MYBPC1: variants seen among roughly 807,000 people sequenced by gnomAD.
MYBPC1 encodes myosin binding protein C1.
A neutral mutation model predicts 147.1 loss-of-function variants in MYBPC1; 52 were observed. The ratio of observed to expected loss-of-function variants is 0.35; its 90% CI spans 0.28 to 0.45. The LOEUF (loss-of-function observed/expected upper bound fraction) is 0.45, where lower values mean the gene tolerates loss of function less well. Ranked by LOEUF, MYBPC1 falls within the 20% of genes least tolerant of loss-of-function variation. MYBPC1 has a pLI of 1.00. For synonymous variants in MYBPC1, 477 were observed against 475.9 expected (o/e 1.00, Z -0.03); for missense variants, 1,228 against 1,440.3 (o/e 0.85, Z 2.39).
intron 10 of MYBPC1, among the ~76,000 whole-genome samples, chr12:101,641,115 GAAA>G (rs34380289): frequency 9.4e-6 from 1 of 105,964 alleles, no homozygotes. Flanking sequence ...CTGTCTCAAA[GAAA>G]AAAAAAAAAA....
At chr12:101,597,132 G>A (rs774706841) in intron 1 of MYBPC1, among the ~76,000 whole-genome samples, 1 of 152,156 alleles carries the variant, frequency 6.6e-6, no homozygotes, top group Non-Finnish European at 1.5e-5. Flanking sequence ...GAACTATTCT[G>A]GTCCTTTCTT....
At chr12:101,626,725 T>G in intron 3 of MYBPC1, 147 bp from the exon 4 acceptor site, 1 of 738,844 alleles carries the variant, frequency 1.4e-6, no homozygotes, top group Non-Finnish European at 2.4e-6. Context: ...AGGTTTCACT[T>G]TTCAGGTACC....
chr12:101,646,647 A>G, intron 12 of MYBPC1, 116 bp from the exon 13 acceptor site: 1 of 1,249,814 alleles, frequency 8.0e-7, no homozygotes, highest in Non-Finnish European at 1.1e-6. Flanking sequence ...TCAAAAAAAA[A>G]CAACAGATCC....
intron 17 of MYBPC1, 26 bp from the exon 18 acceptor site, chr12:101,653,078 GACTGTCTGATA>G (rs749807761): frequency 2.5e-6 from 4 of 1,602,928 alleles, no homozygotes; most frequent in Non-Finnish European, 3.4e-6. Context: ...ACACAGAAAT[GACTGTCTGATA>G]ACAAAGACTA....
At chr12:101,653,336 T>C in intron 18 of MYBPC1, 88 bp downstream of exon 18, 2 of 1,519,232 alleles carry the variant, frequency 1.3e-6, no homozygotes, top group Non-Finnish European at 1.8e-6. Context: ...ATTATTCAGA[T>C]GAAGGTAGAA....
intron 23 of MYBPC1, among the ~76,000 whole-genome samples, chr12:101,669,326 G>C (rs527249643): frequency 6.6e-6 from 1 of 152,310 alleles, no homozygotes; most frequent in South Asian, 2.1e-4. Context: ...AAGAAGAACT[G>C]CTTCATCCCT....
intron 5 of MYBPC1, among the ~76,000 whole-genome samples, chr12:101,628,454 C>T (rs1705125201): frequency 6.6e-6 from 1 of 152,152 alleles, no homozygotes; most frequent in African/African-American, 2.4e-5. Context: ...TGTTTAACCT[C>T]ATTGTGAAAA....
At chr12:101,608,174 G>A (rs1227533905) in intron 1 of MYBPC1, among the ~76,000 whole-genome samples, 1 of 152,148 alleles carries the variant, frequency 6.6e-6, no homozygotes, top group East Asian at 1.9e-4. Context: ...TGCTGCAGAG[G>A]GAGAGAAAGT....
intron 3 of MYBPC1, among the ~76,000 whole-genome samples, chr12:101,620,249 T>C (rs1727071): frequency 0.36 from 54,976 of 152,160 alleles, 10,386 homozygotes; most frequent in East Asian, 0.58. Context: ...AGGCAATGCC[T>C]TTATACAAAT....
intron 28 of MYBPC1, among the ~76,000 whole-genome samples, chr12:101,679,286 C>T (rs770886297): frequency 5.9e-5 from 9 of 152,162 alleles, no homozygotes; most frequent in Non-Finnish European, 8.8e-5. Context: ...GAGGTTCACC[C>T]GGAGCCTAGG....
downstream of MYBPC1, among the ~76,000 whole-genome samples, chr12:101,689,697 C>T (rs1452568612): frequency 6.6e-6 from 1 of 152,158 alleles, no homozygotes; most frequent in East Asian, 1.9e-4. Context: ...GAAGCTGAGA[C>T]ATCCCATGAT....
At chr12:101,682,500 G>C in intron 29 of MYBPC1, 104 bp from the exon 30 acceptor site, 2 of 1,042,848 alleles carry the variant, frequency 1.9e-6, no homozygotes, top group Non-Finnish European at 2.9e-6. Flanking sequence ...TCATCAGACT[G>C]TTACTCTGAT....
In MYBPC1 at chr12:101,663,061, G is replaced by C. The variant is rs565006498; in HGVS notation, c.2222-365G>C. On this transcript the variant is annotated intron_variant, in intron 21 of 31. Transcript: ENST00000361466. ...GATATCTCCATTATTTTATGGCAATGAGGTATTTTTTTCAATGGAAAAAAA... is the reference window on the plus strand; with the variant it reads ...GATATCTCCATTATTTTATGGCAATCAGGTATTTTTTTCAATGGAAAAAAA... 3.3e-5 allele frequency among the ~76,000 whole-genome samples: 5 copies of C among 152,204 alleles called. No individual in the cohort carries two copies. In the East Asian group the frequency reaches 5.8e-4, roughly 18 times the overall value.
Position 101,673,509 on chromosome 12 carries a change from C to A in MYBPC1, c.2696C>A (p.Thr899Asn). 6.2e-7 allele frequency: 1 copy of A among 1,614,104 alleles called. No homozygotes were observed. Among genetic ancestry groups the A allele is most frequent in the East Asian group, 2.2e-5 (1 of 44,886 alleles). ...KNQINIRNSE[T>N]DTIIFIRKAE... ...CAAATAAACATTCGCAACTCTGAGA[C>A]TGATACAATCATATTTATTAGAAAA... The change falls in exon 25 of 32, where the codon ACT becomes AAT. Residue 899 changes from threonine to asparagine, a missense_variant. Transcript: ENST00000361466.
In MYBPC1 at chr12:101,648,121, G is replaced by C. The variant is rs1893612094; in HGVS notation, c.1167G>C (p.Glu389Asp). Reference sequence around the variant, plus strand: ...GGGAGAGAGTGGAATTAGAATGTGAGGTGTCTGAAGATGATGCCAATGTAA... The same window carrying C: ...GGGAGAGAGTGGAATTAGAATGTGACGTGTCTGAAGATGATGCCAATGTAA... ...YCGERVELEC[E>D]VSEDDANVKW... The change falls in exon 14 of 32, where the codon GAG (glutamate) becomes GAC (aspartate). Residue 389 changes from glutamate to aspartate, a missense_variant. Glu to Asp is a conservative substitution (Grantham distance 45, BLOSUM62 2). Transcript: ENST00000361466. The C allele has an allele frequency of 6.2e-7, 1 of 1,612,282 alleles. No individual in the cohort carries two copies. The highest frequency in any genetic ancestry group is 8.5e-7 in the Non-Finnish European group (1 of 1,178,614).
At chr12:101,654,612 C>T (rs909146587) in intron 18 of MYBPC1, among the ~76,000 whole-genome samples, 7 of 152,136 alleles carry the variant, frequency 4.6e-5, no homozygotes, top group Non-Finnish European at 7.4e-5. Context: ...GAGAGTCCCC[C>T]TGGAGCTCTG....
chr12:101,649,596 G>A (rs879323917), intron 15 of MYBPC1, among the ~76,000 whole-genome samples, 170 bp downstream of exon 15: 4 of 152,128 alleles, frequency 2.6e-5, no homozygotes, highest in Non-Finnish European at 4.4e-5. Context: ...GATATTTAAG[G>A]AAGGAACCAC....
intron 1 of MYBPC1, among the ~76,000 whole-genome samples, chr12:101,596,622 A>G (rs1210574365): frequency 1.3e-5 from 2 of 152,264 alleles, no homozygotes; most frequent in East Asian, 3.8e-4. Context: ...ACAGCCTGTA[A>G]GAGCCAATAA....
intron 3 of MYBPC1, among the ~76,000 whole-genome samples, chr12:101,618,884 T>TGTGTGA (rs1886762589): frequency 6.6e-6 from 1 of 151,408 alleles, no homozygotes; most frequent in African/African-American, 2.4e-5. Context: ...TGTGTGTGTG[T>TGTGTGA]GTGTGTGTGT....
Sources: allele counts gnomAD v4.1 joint callset (sites outside exome capture counted in the v4.1 genomes callset), GRCh38; gene constraint gnomAD v4.1.1; transcripts MANE v1.5; gene names NCBI Gene and HGNC (gene_info 2026-07-23, HGNC 2026-07-21).